The following TMEM223 variants were observed in gnomAD, a reference collection of about 807,000 sequenced individuals.
The protein encoded by TMEM223 is transmembrane protein 223.
A neutral mutation model predicts 14.1 loss-of-function variants in TMEM223; 14 were observed. The observed-to-expected ratio is 0.99, with a 90% CI of 0.66 to 1.55. The LOEUF (loss-of-function observed/expected upper bound fraction) is 1.55. TMEM223 is among the 40% of genes most tolerant of loss of function. The pLI, the probability that TMEM223 is intolerant of heterozygous loss-of-function variation, is 0.00. For missense variants in TMEM223, 346 were observed against 269.9 expected (o/e 1.28, Z -1.97); for synonymous variants, 145 against 120.5 (o/e 1.20, Z -1.33).
At chr11:62,787,405 G>A, downstream of TMEM223, 1 of 1,557,000 alleles carries the variant, frequency 6.4e-7, no homozygotes, top group Non-Finnish European at 8.6e-7. Flanking sequence ...TGCTGCTGCA[G>A]CGGCGCTTCC....
downstream of TMEM223, among the ~76,000 whole-genome samples, chr11:62,785,484 G>A (rs560993395): frequency 1.3e-5 from 2 of 151,486 alleles, no homozygotes; most frequent in Non-Finnish European, 2.9e-5. Flanking sequence ...GAGCCACAGC[G>A]CCCGGCTGGT....
downstream of TMEM223, chr11:62,789,525 C>T (rs2084333228): frequency 6.3e-7 from 1 of 1,584,942 alleles, no homozygotes; most frequent in East Asian, 2.2e-5. Flanking sequence ...GCTCTCAACT[C>T]ACAGGGCACT....
downstream of TMEM223, chr11:62,787,491 C>T (rs1565192387): frequency 3.2e-6 from 5 of 1,579,846 alleles, no homozygotes; most frequent in Non-Finnish European, 2.6e-6. Context: ...CCTTCCTGTG[C>T]GGGGCCGTGG....
At chr11:62,777,981 G>C in intron 1 of TMEM223, 1 of 1,614,018 alleles carries the variant, frequency 6.2e-7, no homozygotes, top group Non-Finnish European at 8.5e-7. Flanking sequence ...TCCTCAGGCT[G>C]TGTGTGGTTA....
chr11:62,776,377 C>T (rs375032105), intron 1 of TMEM223: 1 of 1,613,294 alleles, frequency 6.2e-7, no homozygotes, highest in Non-Finnish European at 8.5e-7. Flanking sequence ...TGTTCCCTCC[C>T]TCCCAGAATA....
downstream of TMEM223, among the ~76,000 whole-genome samples, chr11:62,788,195 G>A (rs1226240454): frequency 6.6e-6 from 1 of 152,032 alleles, no homozygotes; most frequent in African/African-American, 2.4e-5. Flanking sequence ...TTGAGGTCAG[G>A]AGTTCGAGAC....
chr11:62,787,072 A>G (rs986212681), downstream of TMEM223: 14 of 1,530,648 alleles, frequency 9.1e-6, no homozygotes, highest in African/African-American at 1.4e-5. Context: ...CGTTTTCCAG[A>G]AGAGCCGTTT....
chr11:62,780,758 CGT>C (rs2134713047), intron 1 of TMEM223, among the ~76,000 whole-genome samples: 1 of 136,668 alleles, frequency 7.3e-6, no homozygotes, highest in East Asian at 2.2e-4. Flanking sequence ...GGTGATTTCC[CGT>C]TGGATATCTA....
downstream of TMEM223, chr11:62,787,791 T>G (rs2084305965): frequency 4.4e-6 from 3 of 676,716 alleles, no homozygotes; most frequent in African/African-American, 3.5e-5. Context: ...TCGGGTTTCG[T>G]GGCTCCTGCT....
At chr11:62,771,593 A>T (rs1489688228), downstream of TMEM223, 1 of 165,922 alleles carries the variant, frequency 6.0e-6, no homozygotes, top group East Asian at 1.8e-4. Context: ...CCCTTGGCTG[A>T]CCACGTGACC....
At chr11:62,783,077 G>A (rs1277784794), downstream of TMEM223, among the ~76,000 whole-genome samples, 1 of 152,168 alleles carries the variant, frequency 6.6e-6, no homozygotes, top group Non-Finnish European at 1.5e-5. Context: ...ATCACATTAA[G>A]AAATACCTTC....
At chr11:62,782,840 C>CT, downstream of TMEM223, 1 of 1,613,330 alleles carries the variant, frequency 6.2e-7, no homozygotes, top group Non-Finnish European at 8.5e-7. Context: ...GCACCCTGGC[C>CT]TTTCTCACAC....
intron 1 of TMEM223, 102 bp from the exon 2 acceptor site, chr11:62,791,017 T>A: frequency 1.5e-6 from 2 of 1,307,132 alleles, no homozygotes; most frequent in Non-Finnish European, 2.0e-6. Flanking sequence ...ATGAAAGTAG[T>A]ATTTACTGAG....
chr11:62,779,130 C>G (rs996227127), intron 1 of TMEM223, among the ~76,000 whole-genome samples: 1 of 151,702 alleles, frequency 6.6e-6, no homozygotes, highest in Admixed American at 6.6e-5. Flanking sequence ...AAGTGATTCT[C>G]CTGCCTCAGC....
downstream of TMEM223, among the ~76,000 whole-genome samples, chr11:62,785,353 G>A (rs764582294): frequency 6.6e-6 from 1 of 150,586 alleles, no homozygotes; most frequent in South Asian, 2.1e-4. Context: ...CACCATACCT[G>A]GCTAATTTTT....
At chr11:62,779,294 A>G (rs1354684380) in intron 1 of TMEM223, among the ~76,000 whole-genome samples, 2 of 152,112 alleles carry the variant, frequency 1.3e-5, no homozygotes, top group African/African-American at 2.4e-5. Context: ...TCCTGGGTTC[A>G]TGCCATTCTC....
chr11:62,775,169 G>A (rs1251281707), intron 1 of TMEM223, among the ~76,000 whole-genome samples: 1 of 152,112 alleles, frequency 6.6e-6, no homozygotes, highest in Admixed American at 6.6e-5. Flanking sequence ...GGTGGAAGAG[G>A]AAGCAAACAT....
intron 1 of TMEM223, among the ~76,000 whole-genome samples, chr11:62,779,976 A>ATTTTTTTTT (rs1277954265): frequency 1.9e-4 from 10 of 52,622 alleles, no homozygotes; most frequent in African/African-American, 3.9e-4. Context: ...ATATATATAT[A>ATTTTTTTTT]TTTTTTTTTT....
At chr11:62,771,374 A>AGGGCGG (rs1262416717), downstream of TMEM223, 3 of 153,008 alleles carry the variant, frequency 2.0e-5, no homozygotes, top group Non-Finnish European at 4.4e-5. Flanking sequence ...TGTATTGGGG[A>AGGGCGG]GGGCGGGGCC....
Sources: allele counts gnomAD v4.1 joint callset (sites outside exome capture counted in the v4.1 genomes callset), GRCh38; gene constraint gnomAD v4.1.1; transcripts MANE v1.5; gene names NCBI Gene and HGNC (gene_info 2026-07-23, HGNC 2026-07-21).